Variants in PPP3CA observed in about 807,000 individuals in gnomAD.
The protein encoded by PPP3CA is CAM-PRP catalytic subunit.
Under a neutral mutation model 66.5 loss-of-function variants are expected in PPP3CA, and 14 were observed. That is an observed-to-expected ratio of 0.21 (90% confidence interval 0.14 to 0.33). The LOEUF (loss-of-function observed/expected upper bound fraction) is 0.33, where lower values mean the gene tolerates loss of function less well. Among genes scored for constraint, PPP3CA ranks in the 10% least tolerant of loss-of-function variants. PPP3CA has a pLI of 1.00. For synonymous variants in PPP3CA, 232 were observed against 226.2 expected (o/e 1.03, Z -0.23); for missense variants, 317 against 639.5 (o/e 0.50, Z 5.44).
intron 1 of PPP3CA, among the ~76,000 whole-genome samples, chr4:101,231,355 C>A (rs1206206529): frequency 6.6e-6 from 1 of 151,676 alleles, no homozygotes; most frequent in Non-Finnish European, 1.5e-5. Context: ...GTAAGTCAGA[C>A]TATTTATCAA....
chr4:101,115,937 T>C (rs537217690), intron 2 of PPP3CA, among the ~76,000 whole-genome samples: 7 of 152,040 alleles, frequency 4.6e-5, no homozygotes, highest in East Asian at 3.9e-4. Flanking sequence ...TTGTTAAAAA[T>C]TGTGAAACAA....
chr4:101,160,146 A>G (rs1723456003), intron 2 of PPP3CA, among the ~76,000 whole-genome samples: 1 of 152,138 alleles, frequency 6.6e-6, no homozygotes, highest in Non-Finnish European at 1.5e-5. Flanking sequence ...CCACACTTCT[A>G]TCTTGAACTG....
chr4:101,293,745 G>C (rs112254065), intron 1 of PPP3CA, among the ~76,000 whole-genome samples: 4 of 152,352 alleles, frequency 2.6e-5, no homozygotes, highest in African/African-American at 9.6e-5. Flanking sequence ...ACTTGGGCAA[G>C]TCACTTCAAC....
intron 2 of PPP3CA, among the ~76,000 whole-genome samples, chr4:101,172,991 C>A (rs1010910207): frequency 1.3e-5 from 2 of 152,168 alleles, no homozygotes; most frequent in Admixed American, 6.6e-5. Flanking sequence ...TTAAATCCAG[C>A]ATTCCCAGAT....
chr4:101,144,832 T>C (rs1722919437), intron 2 of PPP3CA, among the ~76,000 whole-genome samples: 1 of 152,212 alleles, frequency 6.6e-6, no homozygotes, highest in African/African-American at 2.4e-5. Flanking sequence ...TTTTATTTCC[T>C]ATGCCACAAT....
chr4:101,289,407 C>T (rs1488521344), intron 1 of PPP3CA, among the ~76,000 whole-genome samples: 2 of 152,218 alleles, frequency 1.3e-5, no homozygotes, highest in East Asian at 3.8e-4. Flanking sequence ...TTTATTTCTA[C>T]CTGCCTTCTT....
intron 1 of PPP3CA, among the ~76,000 whole-genome samples, chr4:101,345,221 G>T (rs773122988): frequency 2.6e-5 from 4 of 152,092 alleles, no homozygotes; most frequent in African/African-American, 9.7e-5. Flanking sequence ...AAGATATTTT[G>T]TTCTTTCTGA....
chr4:101,227,119 C>CACAT lies in PPP3CA; in HGVS notation c.59-31007_59-31004dup, dbSNP rs33970429. On this transcript the variant is annotated intron_variant, in intron 1 of 13. Coordinates refer to ENST00000394854, the MANE Select transcript of PPP3CA (RefSeq NM_000944.5). The stretch of plus-strand genomic sequence containing the variant: ...AATGGTAGGTAGGTGTGTACATACA[C>CACAT]ACATACATACATACATACATACATA... Among the ~76,000 whole-genome samples the CACAT allele has an allele frequency of 1.5e-3, 221 of 146,074 alleles. 1 individual carries two copies. Among genetic ancestry groups the CACAT allele is most frequent in the South Asian group, 0.01 (47 of 4,624 alleles).
chr4:101,069,760 T>C (rs1728833465), intron 8 of PPP3CA, among the ~76,000 whole-genome samples: 1 of 152,192 alleles, frequency 6.6e-6, no homozygotes, highest in Admixed American at 6.5e-5. Flanking sequence ...TGAAAACTTT[T>C]ATGATAATCC....
intron 1 of PPP3CA, among the ~76,000 whole-genome samples, chr4:101,341,725 A>G (rs1484901896): frequency 6.6e-6 from 1 of 152,206 alleles, no homozygotes; most frequent in African/African-American, 2.4e-5. Flanking sequence ...GAATTACAGA[A>G]AGCTGAAGTT....
intron 2 of PPP3CA, among the ~76,000 whole-genome samples, chr4:101,157,783 A>G (rs180772521): frequency 5.7e-5 from 8 of 139,458 alleles, no homozygotes; most frequent in Admixed American, 1.6e-4. Flanking sequence ...TAATTCCCTG[A>G]TTTTTTAAAA....
At chr4:101,156,870 CA>C (rs1434375413) in intron 2 of PPP3CA, among the ~76,000 whole-genome samples, 1 of 152,066 alleles carries the variant, frequency 6.6e-6, no homozygotes, top group African/African-American at 2.4e-5. Flanking sequence ...TGTTTTTAAA[CA>C]GGAAATGAGG....
chr4:101,324,159 A>AG (rs1729133168), intron 1 of PPP3CA, among the ~76,000 whole-genome samples: 1 of 51,246 alleles, frequency 2.0e-5, no homozygotes, highest in Non-Finnish European at 4.5e-5. Flanking sequence ...GGAGGGAGGA[A>AG]GGAAGGAAGG....
At chr4:101,037,397 G>T (rs1301664813) in intron 11 of PPP3CA, among the ~76,000 whole-genome samples, 1 of 152,166 alleles carries the variant, frequency 6.6e-6, no homozygotes, top group Non-Finnish European at 1.5e-5. Context: ...CCCTTATAAG[G>T]TTGCACATTT....
intron 8 of PPP3CA, among the ~76,000 whole-genome samples, chr4:101,073,228 CGTGTGTGT>C (rs74947807): frequency 3.5e-5 from 5 of 143,778 alleles, no homozygotes; most frequent in South Asian, 2.2e-4. Flanking sequence ...TATATATATA[CGTGTGTGT>C]GTGTGTGTGT....
intron 6 of PPP3CA, 128 bp from the exon 7 acceptor site, chr4:101,083,391 G>T (rs780579810): frequency 1.5e-5 from 12 of 820,130 alleles, no homozygotes; most frequent in Non-Finnish European, 2.3e-5. Flanking sequence ...CATGAAACAA[G>T]CCTCTTGACT....
At chr4:101,180,725 T>C (rs1230911535) in intron 2 of PPP3CA, among the ~76,000 whole-genome samples, 1 of 151,984 alleles carries the variant, frequency 6.6e-6, no homozygotes, top group Non-Finnish European at 1.5e-5. Context: ...CGGGTCATGA[T>C]GATGTTAGGG....
intron 1 of PPP3CA, among the ~76,000 whole-genome samples, chr4:101,288,513 G>T (rs1727913852): frequency 6.7e-6 from 1 of 150,078 alleles, no homozygotes; most frequent in Non-Finnish European, 1.5e-5. Flanking sequence ...TTAAAAGAAG[G>T]AAAGGAGAGG....
intron 1 of PPP3CA, among the ~76,000 whole-genome samples, chr4:101,207,975 T>G (rs1008884869): frequency 2.0e-5 from 3 of 152,202 alleles, no homozygotes; most frequent in Non-Finnish European, 4.4e-5. Flanking sequence ...TTCCATAAGT[T>G]TTTCACTATC....
Sources: allele counts gnomAD v4.1 joint callset (sites outside exome capture counted in the v4.1 genomes callset), GRCh38; gene constraint gnomAD v4.1.1; transcripts MANE v1.5; gene names NCBI Gene and HGNC (gene_info 2026-07-23, HGNC 2026-07-21).